Variants in SLC13A1 observed in about 807,000 individuals in gnomAD.
SLC13A1 encodes solute carrier family 13 member 1, also known as Na(+)/sulfate cotransporter.
In SLC13A1, 65 loss-of-function variants were observed where a neutral mutation model predicts 70.0. The observed-to-expected ratio is 0.93, with a 90% CI of 0.76 to 1.14. SLC13A1 has a LOEUF of 1.14. SLC13A1 is among the 50% of genes most tolerant of loss of function. The pLI is 0.00. For synonymous variants in SLC13A1, 275 were observed against 250.5 expected, an observed-to-expected ratio of 1.10 and a Z score of -0.92; for missense variants, 726 against 717.8, an observed-to-expected ratio of 1.01 and a Z score of -0.13.
At chr7:123,148,338 A>G (rs928579608) in intron 6 of SLC13A1, 4 of 333,084 alleles carry the variant, frequency 1.2e-5, no homozygotes, top group Admixed American at 4.3e-5. Context: ...CTGGCCTCAC[A>G]GATTTTTTAT....
chr7:123,117,621 A>C lies in SLC13A1; in HGVS notation c.1513-13T>G. On this transcript the variant is annotated splice_polypyrimidine_tract_variant and intron_variant, in intron 13 of 14. Coordinates refer to ENST00000194130, the MANE Select transcript of SLC13A1 (RefSeq NM_022444.4). ...GAATGGCTTCGGCCTGTTGTAAGAGATAAAAAAGAGTCTAAGTAAAATTTT... is the reference window on the plus strand; with the variant it reads ...GAATGGCTTCGGCCTGTTGTAAGAGCTAAAAAAGAGTCTAAGTAAAATTTT... 1 of 1,550,406 alleles carries C rather than the reference A, an allele frequency of 6.4e-7. No homozygotes were observed. The highest frequency in any genetic ancestry group is 8.7e-7 in the Non-Finnish European group (1 of 1,145,574).
chr7:123,129,322 CTCTG>C (rs961500787), intron 9 of SLC13A1, 57 bp downstream of exon 9: 7 of 951,546 alleles, frequency 7.4e-6, no homozygotes, highest in African/African-American at 3.8e-5. Context: ...TTTCTCTCTT[CTCTG>C]TGTGTGTGTG....
intron 1 of SLC13A1, among the ~76,000 whole-genome samples, chr7:123,195,511 C>T (rs1356285751): frequency 2.0e-5 from 3 of 151,838 alleles, no homozygotes; most frequent in African/African-American, 7.3e-5. Flanking sequence ...CTCGACCTAC[C>T]ACTTCCTCCT....
In SLC13A1 at chr7:123,134,460, G is replaced by C. The variant is rs1793881750; in HGVS notation, c.882C>G (p.Ile294Met). The C allele has an allele frequency of 9.3e-6, 15 of 1,613,236 alleles. No homozygotes were observed. The highest frequency in any genetic ancestry group is 1.3e-5 in the African/African-American group (1 of 74,916). Residue 294 changes from isoleucine to methionine, a missense_variant, in exon 8 of 15, where the codon ATC (isoleucine) becomes ATG (methionine). Physicochemically the swap from Ile to Met is conservative, Grantham distance 10 (BLOSUM62 1). Transcript: ENST00000194130. ...GCCAGATCCAGGATAAGAGTAGAATGATAAGGGCAGCTGGGAAGGAAAACG... is the reference window on the plus strand; with the variant it reads ...GCCAGATCCAGGATAAGAGTAGAATCATAAGGGCAGCTGGGAAGGAAAACG... ...WFTFSFPAAL[I>M]ILLLSWIWLQ...
chr7:123,168,438 A>T lies in SLC13A1; in HGVS notation c.612-16T>A. Reference sequence around the variant, plus strand: ...ATTATTGTATCTGAAAAATACATTGATCCAGTTATAATTTTATTAAAATAT... The same window carrying T: ...ATTATTGTATCTGAAAAATACATTGTTCCAGTTATAATTTTATTAAAATAT... On this transcript the variant is annotated splice_polypyrimidine_tract_variant and intron_variant, in intron 5 of 14. Coordinates refer to ENST00000194130, the MANE Select transcript of SLC13A1 (RefSeq NM_022444.4). 1 of 1,590,302 alleles carries T rather than the reference A, an allele frequency of 6.3e-7. No individual in the cohort carries two copies. The highest frequency in any genetic ancestry group is 8.6e-7 in the Non-Finnish European group (1 of 1,162,252).
intron 1 of SLC13A1, among the ~76,000 whole-genome samples, chr7:123,189,232 T>A (rs987959267): frequency 6.6e-6 from 1 of 151,356 alleles, no homozygotes; most frequent in Admixed American, 6.6e-5. Context: ...AATCTAACAC[T>A]TTTTTTTTCT....
chr7:123,135,466 A>G (rs1159818385), intron 7 of SLC13A1, among the ~76,000 whole-genome samples: 1 of 152,168 alleles, frequency 6.6e-6, no homozygotes, highest in Non-Finnish European at 1.5e-5. Flanking sequence ...TCTGAAAAAC[A>G]AAGATATACA....
chr7:123,114,912 G>T lies in SLC13A1; in HGVS notation c.*606C>A, dbSNP rs1793128883. 1 of 151,834 alleles carries T rather than the reference G, an allele frequency of 6.6e-6. No homozygotes were observed. Among genetic ancestry groups the T allele is most frequent in the Non-Finnish European group, 1.5e-5 (1 of 67,944 alleles). 9.4% of individuals were successfully genotyped at this position (151,834 alleles called of 1,614,324 possible). A position where few individuals can be genotyped will look rare whatever the true frequency, so the allele number is the denominator to read the frequency against. On this transcript the variant is annotated 3_prime_UTR_variant, in exon 15 of 15. Coordinates refer to ENST00000194130, the MANE Select transcript of SLC13A1 (RefSeq NM_022444.4). ...ATTTAGTATATTCAGCCATAATTTT[G>T]GAATTAGTGCTTCAATCTCAATTTT...
intron 7 of SLC13A1, among the ~76,000 whole-genome samples, chr7:123,143,451 T>C (rs1794231515): frequency 6.6e-6 from 1 of 152,188 alleles, no homozygotes; most frequent in Admixed American, 6.5e-5. Context: ...CTGGTTTAAA[T>C]GCTCCCTTGG....
At chr7:123,143,154 G>A (rs1035657618) in intron 7 of SLC13A1, among the ~76,000 whole-genome samples, 2 of 152,102 alleles carry the variant, frequency 1.3e-5, no homozygotes, top group African/African-American at 4.8e-5. Flanking sequence ...GTAGGAAGGA[G>A]TCTTTTTTTG....
intron 7 of SLC13A1, among the ~76,000 whole-genome samples, chr7:123,138,616 C>T (rs1563325984): frequency 6.6e-6 from 1 of 152,094 alleles, no homozygotes; most frequent in East Asian, 1.9e-4. Context: ...GCCATTTTAC[C>T]TGGGGTGAGA....
At chr7:123,136,912 C>T (rs1793967081) in intron 7 of SLC13A1, among the ~76,000 whole-genome samples, 2 of 151,960 alleles carry the variant, frequency 1.3e-5, no homozygotes, top group South Asian at 4.2e-4. Flanking sequence ...ATTACAAAGT[C>T]CTTGAGTTAG....
intron 2 of SLC13A1, among the ~76,000 whole-genome samples, chr7:123,172,344 G>A (rs1479715819): frequency 2.0e-5 from 3 of 152,204 alleles, no homozygotes; most frequent in Non-Finnish European, 4.4e-5. Flanking sequence ...TATAAGGCCA[G>A]GCATGGTGGC....
At chr7:123,147,058 A>G in intron 7 of SLC13A1, 101 bp downstream of exon 7, 1 of 1,197,786 alleles carries the variant, frequency 8.3e-7, no homozygotes, top group Non-Finnish European at 1.2e-6. Flanking sequence ...GAGAGTTAAC[A>G]TAACATCTCT....
chr7:123,185,687 G>A (rs963154357), intron 1 of SLC13A1, among the ~76,000 whole-genome samples: 2 of 152,014 alleles, frequency 1.3e-5, no homozygotes, highest in Non-Finnish European at 2.9e-5. Flanking sequence ...CTATAGCTTT[G>A]TAGTATATTT....
chr7:123,167,661 G>T (rs1795119615), intron 6 of SLC13A1, among the ~76,000 whole-genome samples: 1 of 152,044 alleles, frequency 6.6e-6, no homozygotes, highest in Non-Finnish European at 1.5e-5. Flanking sequence ...CTGGGGAAAT[G>T]AATTCTATGG....
chr7:123,128,920 A>G lies in SLC13A1; in HGVS notation c.1058T>C (p.Leu353Pro). Residue 353 changes from leucine to proline, a missense_variant, in exon 10 of 15, where the codon CTC (leucine) becomes CCC (proline). Leu to Pro is a moderately conservative substitution (Grantham distance 98). Transcript: ENST00000194130. Reference protein sequence around the residue: ...IRYQEIVTLVLFIIMALLWFS... With the variant: ...IRYQEIVTLVPFIIMALLWFS... ...CCATAGCAGAGCCATTATAATGAAG[A>G]GGACCAAGGTCACAATTTCTTGATA... is the stretch of plus-strand genomic sequence containing the variant. 1 of 1,613,428 alleles carries G rather than the reference A, an allele frequency of 6.2e-7. No homozygotes were observed. The highest frequency in any genetic ancestry group is 8.5e-7 in the Non-Finnish European group (1 of 1,179,572).
At chr7:123,117,678 AGTATT>A in intron 13 of SLC13A1, 70 bp from the exon 14 acceptor site, 26 of 953,758 alleles carry the variant, frequency 2.7e-5, no homozygotes, top group Non-Finnish European at 3.7e-5. Context: ...AAAAAAAAAA[AGTATT>A]ACAATAAGCC....
At chr7:123,186,768 A>C (rs1359427662) in intron 1 of SLC13A1, 1 of 455,950 alleles carries the variant, frequency 2.2e-6, no homozygotes, top group Non-Finnish European at 4.4e-6. Flanking sequence ...GTAACAAGTA[A>C]ACGTTTTAAT....
Sources: gnomAD v4.1 joint callset for allele counts (sites outside exome capture counted in the v4.1 genomes callset) on GRCh38, gnomAD v4.1.1 for gene constraint, MANE v1.5 for transcripts, NCBI Gene and HGNC (gene_info 2026-07-23, HGNC 2026-07-21) for gene names.